Variants in TSHZ2 observed in about 807,000 individuals in gnomAD.
TSHZ2 encodes the protein teashirt homolog 2.
In TSHZ2, 21 loss-of-function variants were observed where a neutral mutation model predicts 74.4. The observed-to-expected ratio is 0.28, with a 90% CI of 0.20 to 0.41. TSHZ2 has a LOEUF of 0.41. TSHZ2 is among the 10% of genes least tolerant of loss of function. The pLI is 1.00. For synonymous variants in TSHZ2, 540 were observed against 515.3 expected (o/e 1.05, Z -0.65); for missense variants, 1,244 against 1,293.5 (o/e 0.96, Z 0.59).
At chr20:53,139,482 G>A (rs1987334198) in intron 1 of TSHZ2, among the ~76,000 whole-genome samples, 1 of 152,136 alleles carries the variant, frequency 6.6e-6, no homozygotes. Flanking sequence ...CGTTTACTCT[G>A]CCCTGCTGTG....
chr20:53,282,606 T>G (rs957027420), intron 2 of TSHZ2, among the ~76,000 whole-genome samples: 6 of 152,218 alleles, frequency 3.9e-5, no homozygotes, highest in African/African-American at 9.6e-5. Context: ...CGAATGGACC[T>G]CAGAAAGGTC....
chr20:52,999,572 G>A (rs564729683), intron 1 of TSHZ2, among the ~76,000 whole-genome samples: 9 of 152,302 alleles, frequency 5.9e-5, no homozygotes, highest in South Asian at 2.1e-4. Flanking sequence ...AGCTGGTGTC[G>A]TATGTGACCA....
chr20:53,230,155 A>G (rs1421455743), intron 1 of TSHZ2, among the ~76,000 whole-genome samples: 1 of 152,120 alleles, frequency 6.6e-6, no homozygotes, highest in Non-Finnish European at 1.5e-5. Context: ...TTGTTCACTC[A>G]TTTGCTTTTT....
chr20:53,455,448 G>C (rs1349365129), intron 2 of TSHZ2: 1 of 152,156 alleles, frequency 6.6e-6, no homozygotes, highest in African/African-American at 2.4e-5. Context: ...TCACTGGTAA[G>C]TCAAGAGCAA....
At chr20:53,330,921 G>A (rs767209276) in intron 2 of TSHZ2, among the ~76,000 whole-genome samples, 3 of 152,172 alleles carry the variant, frequency 2.0e-5, no homozygotes, top group Non-Finnish European at 4.4e-5. Flanking sequence ...TACACTTTGC[G>A]TGGGATGAAG....
chr20:53,263,447 G>C (rs1394249977), intron 2 of TSHZ2, among the ~76,000 whole-genome samples: 1 of 152,232 alleles, frequency 6.6e-6, no homozygotes, highest in Non-Finnish European at 1.5e-5. Flanking sequence ...ATGCCGGCAG[G>C]GGCCGTCACG....
chr20:53,266,558 C>T (rs1198734379), intron 2 of TSHZ2, among the ~76,000 whole-genome samples: 1 of 152,120 alleles, frequency 6.6e-6, no homozygotes, highest in Non-Finnish European at 1.5e-5. Flanking sequence ...TTCTGAAATA[C>T]CAAAAATAAT....
intron 1 of TSHZ2, among the ~76,000 whole-genome samples, chr20:53,038,856 CTTG>C (rs1983921574): frequency 9.9e-6 from 1 of 100,598 alleles, no homozygotes; most frequent in Non-Finnish European, 2.2e-5. Context: ...CTTTTCACTT[CTTG>C]TTTTTTTTTT....
intron 1 of TSHZ2, among the ~76,000 whole-genome samples, chr20:53,095,002 G>A (rs76921295): frequency 6.6e-6 from 1 of 152,190 alleles, no homozygotes; most frequent in Non-Finnish European, 1.5e-5. Flanking sequence ...TGACCTCAAA[G>A]TGAAAGGTGT....
intron 1 of TSHZ2, among the ~76,000 whole-genome samples, chr20:53,202,578 GA>G (rs1162291851): frequency 6.6e-6 from 1 of 152,102 alleles, no homozygotes; most frequent in Non-Finnish European, 1.5e-5. Context: ...TTAAGAAATA[GA>G]AGCTATTATT....
At chr20:53,443,292 G>A (rs541988355) in intron 2 of TSHZ2, among the ~76,000 whole-genome samples, 1 of 152,222 alleles carries the variant, frequency 6.6e-6, no homozygotes, top group Admixed American at 6.5e-5. Flanking sequence ...TAATATTTCT[G>A]CCATGATGTT....
chr20:53,427,984 C>A (rs771782719), intron 2 of TSHZ2, among the ~76,000 whole-genome samples: 5 of 152,206 alleles, frequency 3.3e-5, no homozygotes, highest in Non-Finnish European at 5.9e-5. Context: ...AATCCTTTAA[C>A]TTATCCAAAT....
intron 1 of TSHZ2, among the ~76,000 whole-genome samples, chr20:53,004,428 C>T (rs1025515623): frequency 1.3e-5 from 2 of 152,146 alleles, no homozygotes; most frequent in East Asian, 3.9e-4. Flanking sequence ...TGACCATGTG[C>T]GAAAGACCAG....
chr20:53,285,253 G>A (rs1991142942), intron 2 of TSHZ2, among the ~76,000 whole-genome samples: 1 of 152,202 alleles, frequency 6.6e-6, no homozygotes, highest in Non-Finnish European at 1.5e-5. Context: ...GTGAATGCGG[G>A]CAGTGATTTC....
At chr20:53,366,558 C>T (rs932618448) in intron 2 of TSHZ2, among the ~76,000 whole-genome samples, 4 of 152,170 alleles carry the variant, frequency 2.6e-5, no homozygotes, top group African/African-American at 4.8e-5. Context: ...GCGGGTCAAC[C>T]TCTGCAAGTC....
At chr20:53,360,075 G>A (rs992520022) in intron 2 of TSHZ2, among the ~76,000 whole-genome samples, 15 of 152,186 alleles carry the variant, frequency 9.9e-5, no homozygotes, top group African/African-American at 3.6e-4. Flanking sequence ...TCAGTCCAAG[G>A]TGATAACATT....
At chr20:53,227,036 C>T (rs1019574793) in intron 1 of TSHZ2, among the ~76,000 whole-genome samples, 1 of 152,042 alleles carries the variant, frequency 6.6e-6, no homozygotes, top group Admixed American at 6.6e-5. Context: ...GAATTTTTTA[C>T]TTCAACAAAG....
chr20:53,338,058 C>A (rs1980026976), intron 2 of TSHZ2, among the ~76,000 whole-genome samples: 1 of 152,186 alleles, frequency 6.6e-6, no homozygotes, highest in Non-Finnish European at 1.5e-5. Context: ...TCCTCACCTG[C>A]AGAGCAGGGA....
At position 53,039,998 on chromosome 20, in the gene TSHZ2, C is replaced by T. The variant is rs546304176; in HGVS notation, c.40+66665C>T. Among the ~76,000 whole-genome samples the T allele has an allele frequency of 2.5e-3, 372 of 150,262 alleles. 2 individuals are homozygous for T. Among genetic ancestry groups the T allele is most frequent in the African/African-American group, 8.6e-3 (349 of 40,744 alleles). ...GTGCAGGCCTGTAGCCCCAGCCACT[C>T]GGGAGGTTGAGGCAGGAGAATCGCT... On this transcript the variant is annotated intron_variant, in intron 1 of 2. Transcript: ENST00000371497.
Sources: gnomAD v4.1 joint callset for allele counts (sites outside exome capture counted in the v4.1 genomes callset) on GRCh38, gnomAD v4.1.1 for gene constraint, MANE v1.5 for transcripts, NCBI Gene and HGNC (gene_info 2026-07-23, HGNC 2026-07-21) for gene names.